CLTA: variants seen among roughly 807,000 people sequenced by gnomAD.
CLTA encodes clathrin light chain A.
Under a neutral mutation model 26.9 loss-of-function variants are expected in CLTA, and 9 were observed. That is an observed-to-expected ratio of 0.33 (90% CI 0.20 to 0.58). CLTA has a LOEUF of 0.58. CLTA is among the 20% of genes least tolerant of loss of function. CLTA has a pLI of 0.85. For synonymous variants in CLTA, 120 were observed against 115.5 expected (o/e 1.04, Z -0.25); for missense variants, 278 against 294.2 (o/e 0.94, Z 0.40).
At chr9:36,205,191 C>T (rs1587237744) in intron 4 of CLTA, among the ~76,000 whole-genome samples, 1 of 152,278 alleles carries the variant, frequency 6.6e-6, no homozygotes, top group Non-Finnish European at 1.5e-5. Flanking sequence ...CATTGGATTC[C>T]GGCTTGAGCC....
intron 4 of CLTA, among the ~76,000 whole-genome samples, chr9:36,207,255 A>G (rs1827781513): frequency 6.6e-6 from 1 of 152,244 alleles, no homozygotes; most frequent in African/African-American, 2.4e-5. Context: ...TGAATTATTC[A>G]GTGACAGCCA....
At chr9:36,196,914 C>T (rs908261510) in intron 1 of CLTA, among the ~76,000 whole-genome samples, 6 of 152,152 alleles carry the variant, frequency 3.9e-5, no homozygotes, top group Admixed American at 3.3e-4. Context: ...GTGGCTCATG[C>T]CTGTAATCCA....
chr9:36,203,136 A>G (rs1473607076), intron 3 of CLTA, among the ~76,000 whole-genome samples: 4 of 152,070 alleles, frequency 2.6e-5, no homozygotes, highest in Non-Finnish European at 5.9e-5. Flanking sequence ...AGCAGCCGGC[A>G]TGTATTTCTT....
intron 1 of CLTA, among the ~76,000 whole-genome samples, chr9:36,191,486 G>C (rs1219761035): frequency 6.6e-6 from 1 of 152,204 alleles, no homozygotes; most frequent in Admixed American, 6.5e-5. Context: ...CTGGGCGCGG[G>C]CGGAGCGAGA....
chr9:36,198,397 C>G (rs1019479753), intron 2 of CLTA, among the ~76,000 whole-genome samples: 4 of 151,770 alleles, frequency 2.6e-5, no homozygotes, highest in Non-Finnish European at 4.4e-5. Flanking sequence ...ACAACACAGG[C>G]CGGGCACGGT....
chr9:36,191,041 C>A lies in CLTA; in HGVS notation c.-16C>A. The A allele has an allele frequency of 6.6e-7, 1 of 1,521,456 alleles. No individual in the cohort carries two copies. The highest frequency in any genetic ancestry group is 1.2e-5 in the South Asian group (1 of 80,156). The allele number at this position is 1,521,456 out of a possible 1,614,324, so 94.2% of individuals were successfully genotyped here. A position where few individuals can be genotyped will look rare whatever the true frequency, so the allele number is the denominator to read the frequency against. On this transcript the variant is annotated 5_prime_UTR_variant, in exon 1 of 5. Coordinates refer to ENST00000345519, the MANE Select transcript of CLTA (RefSeq NM_001833.4). The stretch of plus-strand genomic sequence containing the variant: ...TTTGTCTCACCGTTGGTGTCCGTGC[C>A]GTTCAGTTGCCCGCCATGGCTGAGC...
intron 2 of CLTA, among the ~76,000 whole-genome samples, chr9:36,198,405 G>A (rs924687198): frequency 1.3e-5 from 2 of 151,812 alleles, no homozygotes; most frequent in African/African-American, 2.4e-5. Flanking sequence ...GGCCGGGCAC[G>A]GTGGCTCACG....
At chr9:36,198,766 G>A (rs1330473395) in intron 2 of CLTA, among the ~76,000 whole-genome samples, 5 of 150,828 alleles carry the variant, frequency 3.3e-5, no homozygotes, top group African/African-American at 9.8e-5. Context: ...TCAGCTACTC[G>A]GGAGGCTGAG....
intron 4 of CLTA, among the ~76,000 whole-genome samples, chr9:36,205,786 G>A (rs1163714697): frequency 4.1e-5 from 5 of 121,396 alleles, no homozygotes; most frequent in Non-Finnish European, 8.1e-5. Context: ...TTGAGATGGA[G>A]TCTTGCTCTG....
At chr9:36,201,727 G>C (rs148797175) in intron 3 of CLTA, among the ~76,000 whole-genome samples, 2 of 152,276 alleles carry the variant, frequency 1.3e-5, no homozygotes, top group East Asian at 3.9e-4. Flanking sequence ...ATTGTCACAT[G>C]GCACTTCCAG....
chr9:36,197,129 T>G (rs1779656544), intron 1 of CLTA, among the ~76,000 whole-genome samples: 1 of 152,170 alleles, frequency 6.6e-6, no homozygotes, highest in African/African-American at 2.4e-5. Context: ...AAGCCATGAT[T>G]GGGCCACTTT....
At chr9:36,196,055 C>A (rs761856397) in intron 1 of CLTA, among the ~76,000 whole-genome samples, 18 of 152,034 alleles carry the variant, frequency 1.2e-4, no homozygotes, top group Admixed American at 1.3e-4. Context: ...GTGGGTGGAT[C>A]GTCTGAGGTC....
intron 4 of CLTA, 133 bp from the exon 5 acceptor site, chr9:36,211,470 G>T: frequency 8.1e-7 from 1 of 1,229,418 alleles, no homozygotes; most frequent in Non-Finnish European, 1.1e-6. Context: ...CCTGGGCCAG[G>T]GGCTGTTATC....
chr9:36,209,329 C>CA (rs1407558341), intron 4 of CLTA: 32 of 1,581,646 alleles, frequency 2.0e-5, no homozygotes, highest in Non-Finnish European at 2.6e-5. Context: ...GTGTATGTTG[C>CA]AAAACTAATT....
At chr9:36,199,648 G>A (rs906354833) in intron 3 of CLTA, among the ~76,000 whole-genome samples, 5 of 151,652 alleles carry the variant, frequency 3.3e-5, no homozygotes, top group Non-Finnish European at 5.9e-5. Context: ...TAGAGACAGG[G>A]TTTCACCGTG....
At chr9:36,210,548 T>G in intron 4 of CLTA, 1 of 1,609,024 alleles carries the variant, frequency 6.2e-7, no homozygotes, top group Non-Finnish European at 8.5e-7. Context: ...TTACTGACCA[T>G]CTGCATTGAG....
intron 1 of CLTA, among the ~76,000 whole-genome samples, chr9:36,191,784 G>A (rs1389967165): frequency 6.6e-6 from 1 of 152,234 alleles, no homozygotes; most frequent in Non-Finnish European, 1.5e-5. Flanking sequence ...TGGATTACGA[G>A]GAGGAAGGAG....
chr9:36,210,287 G>C (rs1164374873), intron 4 of CLTA, among the ~76,000 whole-genome samples: 1 of 152,130 alleles, frequency 6.6e-6, no homozygotes, highest in Middle Eastern at 3.2e-3. Context: ...GAGCCTCTCA[G>C]GGCCTATGAC....
intron 4 of CLTA, chr9:36,210,781 C>A: frequency 9.2e-7 from 1 of 1,085,196 alleles, no homozygotes; most frequent in Non-Finnish European, 1.4e-6. Context: ...ACCCCTCCGT[C>A]CCCACAGACC....
Sources: gnomAD v4.1 joint callset for allele counts (sites outside exome capture counted in the v4.1 genomes callset) on GRCh38, gnomAD v4.1.1 for gene constraint, MANE v1.5 for transcripts, NCBI Gene and HGNC (gene_info 2026-07-23, HGNC 2026-07-21) for gene names.